HYDIN: variants seen among roughly 807,000 people sequenced by gnomAD.
HYDIN encodes the protein HYDIN axonemal central pair apparatus protein.
In HYDIN, 132 loss-of-function variants were observed where a neutral mutation model predicts 403.9. The observed-to-expected ratio is 0.33, with a 90% CI of 0.28 to 0.38. The LOEUF (loss-of-function observed/expected upper bound fraction) is 0.38. HYDIN is among the 10% of genes least tolerant of loss of function. HYDIN has a pLI of 1.00. For missense variants in HYDIN, 2,827 were observed against 5,009.5 expected (o/e 0.56, Z 13.15); for synonymous variants, 1,202 against 1,891.7 (o/e 0.64, Z 9.46).
At chr16:71,179,362 C>T (rs1215229795) in intron 3 of HYDIN, among the ~76,000 whole-genome samples, 1 of 149,922 alleles carries the variant, frequency 6.7e-6, no homozygotes, top group African/African-American at 2.4e-5. Context: ...CAAACCTCTG[C>T]AGGCATAGTA....
chr16:70,806,770 A>G lies in HYDIN; in HGVS notation c.*810T>C, dbSNP rs1033501301. Among the ~76,000 whole-genome samples, 7 of 152,160 alleles carry G rather than the reference A, an allele frequency of 4.6e-5. No homozygotes were observed. The highest frequency in any genetic ancestry group is 4.6e-4 in the Admixed American group (7 of 15,278). On this transcript the variant is annotated 3_prime_UTR_variant, in exon 86 of 86. Coordinates refer to ENST00000393567, the MANE Select transcript of HYDIN (RefSeq NM_001270974.2). ...GGGCCAGACTTTAACCATCTGCTAT[A>G]CAAGTTAAATGTATATAATAAAGAT...
At position 70,809,959 on chromosome 16, in the gene HYDIN, C is replaced by T. The variant is rs374038588; in HGVS notation, c.14707G>A (p.Gly4903Arg). The part of the protein sequence containing the change: ...FQPLKAGETF[G>R]RLTLHNTDLG... ...TCAGTGTTGTGCAAAGTTAGTCTTCCGAAGGTTTCTCCAGCTTTCAGGGGC... is the reference window on the plus strand; with the variant it reads ...TCAGTGTTGTGCAAAGTTAGTCTTCTGAAGGTTTCTCCAGCTTTCAGGGGC... Residue 4903 changes from glycine to arginine, a missense_variant, in exon 85 of 86, where the codon GGA (glycine) becomes AGA (arginine). Coordinates refer to ENST00000393567, the MANE Select transcript of HYDIN (RefSeq NM_001270974.2). 7.6e-5 allele frequency: 123 copies of T among 1,614,078 alleles called. 1 individual carries two copies. The highest frequency in any genetic ancestry group is 5.4e-4 in the South Asian group (49 of 91,074).
At chr16:71,054,062 G>A (rs528664205) in intron 18 of HYDIN, among the ~76,000 whole-genome samples, 4 of 152,242 alleles carry the variant, frequency 2.6e-5, no homozygotes, top group Admixed American at 1.3e-4. Context: ...TGAGGACACC[G>A]CAAACCTTAA....
intron 1 of HYDIN, among the ~76,000 whole-genome samples, chr16:71,216,100 C>T (rs780881905): frequency 2.0e-4 from 30 of 152,136 alleles, no homozygotes; most frequent in Non-Finnish European, 3.7e-4. Flanking sequence ...TGTTCTATGA[C>T]CCAGCAGTTT....
intron 77 of HYDIN, among the ~76,000 whole-genome samples, chr16:70,836,753 G>C (rs1025316601): frequency 6.6e-6 from 1 of 152,190 alleles, no homozygotes; most frequent in Non-Finnish European, 1.5e-5. Context: ...AAAGGCAAGA[G>C]AGTCTGTCCC....
Position 70,970,743 on chromosome 16 carries a change from G to A in HYDIN, c.5396C>T (p.Thr1799Ile). The A allele has an allele frequency of 1.3e-6, 2 of 1,572,358 alleles. No individual in the cohort carries two copies. The highest frequency in any genetic ancestry group is 1.7e-6 in the Non-Finnish European group (2 of 1,158,888). ...ACTCTGGGCAATCTGAAACACCAGG[G>A]TTTGGCTGTAGAATTTCTGGAAAAC... is the stretch of plus-strand genomic sequence containing the variant. ...MPKEEKFYSQ[T>I]LVFQIAQSAQ... The change falls in exon 36 of 86, where the codon ACC (threonine) becomes ATC (isoleucine). Residue 1799 changes from threonine to isoleucine, a missense_variant. Transcript: ENST00000393567.
At chr16:71,186,445 GT>G (rs1430863880) in intron 2 of HYDIN, among the ~76,000 whole-genome samples, 1 of 152,094 alleles carries the variant, frequency 6.6e-6, no homozygotes, top group Non-Finnish European at 1.5e-5. Context: ...ATATTTGACT[GT>G]TTTTGAACTA....
intron 43 of HYDIN, among the ~76,000 whole-genome samples, chr16:70,939,503 A>C (rs1452298980): frequency 6.6e-6 from 1 of 152,122 alleles, no homozygotes; most frequent in African/African-American, 2.4e-5. Flanking sequence ...TCATACTACT[A>C]TTACATTAAA....
At chr16:70,851,500 G>A (rs2038653091) in intron 73 of HYDIN, among the ~76,000 whole-genome samples, 2 of 148,194 alleles carry the variant, frequency 1.3e-5, no homozygotes, top group Non-Finnish European at 2.9e-5. Flanking sequence ...AATCATCAGA[G>A]AAATGCAAGT....
chr16:71,223,596 C>T (rs1330834495), intron 1 of HYDIN, among the ~76,000 whole-genome samples: 2 of 150,890 alleles, frequency 1.3e-5, no homozygotes, highest in African/African-American at 4.9e-5. Flanking sequence ...GACTAGCATC[C>T]GGAATCTACA....
chr16:71,038,280 G>A (rs1443542425), intron 18 of HYDIN, among the ~76,000 whole-genome samples: 7 of 152,210 alleles, frequency 4.6e-5, no homozygotes, highest in African/African-American at 1.2e-4. Context: ...TTGACAATAC[G>A]GCAGCAGCAC....
At chr16:70,976,364 T>C (rs559956138) in intron 30 of HYDIN, among the ~76,000 whole-genome samples, 7 of 152,216 alleles carry the variant, frequency 4.6e-5, no homozygotes, top group African/African-American at 1.7e-4. Flanking sequence ...TCTACCTTTG[T>C]GGATAGATTT....
At chr16:71,205,719 A>G (rs1278305939) in intron 1 of HYDIN, among the ~76,000 whole-genome samples, 4 of 152,160 alleles carry the variant, frequency 2.6e-5, no homozygotes, top group Admixed American at 2.6e-4. Context: ...GCTATGCAAC[A>G]CTTGCTGGAG....
intron 13 of HYDIN, 40 bp from the exon 14 acceptor site, chr16:71,069,542 C>G: frequency 6.6e-7 from 1 of 1,520,102 alleles, no homozygotes; most frequent in Non-Finnish European, 9.0e-7. Context: ...AAAGCCCCCC[C>G]AACACCTCCC....
At chr16:70,847,192 C>T (rs1266795201) in intron 75 of HYDIN, among the ~76,000 whole-genome samples, 1 of 152,014 alleles carries the variant, frequency 6.6e-6, no homozygotes, top group East Asian at 1.9e-4. Context: ...AAAACTTTTG[C>T]TCTTATATAG....
chr16:71,107,804 A>G (rs1169169004), intron 10 of HYDIN, among the ~76,000 whole-genome samples: 1 of 152,246 alleles, frequency 6.6e-6, no homozygotes. Flanking sequence ...CATTTGACCC[A>G]GCAATACCAT....
intron 8 of HYDIN, among the ~76,000 whole-genome samples, chr16:71,134,916 G>A (rs557468984): frequency 6.6e-6 from 1 of 152,184 alleles, no homozygotes; most frequent in East Asian, 1.9e-4. Flanking sequence ...TTTCCCTCTT[G>A]GCCAAGCTCC....
rs900892036 is a variant in HYDIN at position 70,805,529 on chromosome 16, G to A, written c.*2051C>T. Among the ~76,000 whole-genome samples the A allele has an allele frequency of 3.9e-5, 6 of 152,164 alleles. No individual in the cohort carries two copies. The highest frequency in any genetic ancestry group is 1.9e-4 in the East Asian group (1 of 5,196). On this transcript the variant is annotated 3_prime_UTR_variant, in exon 86 of 86. Transcript: ENST00000393567. The stretch of plus-strand genomic sequence containing the variant: ...AAGCCCCACCCAAATCTCCTAGATC[G>A]GACTTCCTGAGGGTGGGGCTCAGCA...
rs746471423 is a variant in HYDIN at position 70,943,903 on chromosome 16, C to G, written c.6578G>C (p.Ser2193Thr). The change falls in exon 42 of 86, where the codon AGT (serine) becomes ACT (threonine). Residue 2193 changes from serine to threonine, a missense_variant. Ser to Thr is a moderately conservative substitution (Grantham distance 58). Transcript: ENST00000393567. ...LPPGPIHRWL[S>T]VSPSVGGETG... Reference sequence around the variant, plus strand: ...CTCGCCTCCGACACTGGGACTAACACTGAGCCAGCGGTGGATGGGCCCCGG... The same window carrying G: ...CTCGCCTCCGACACTGGGACTAACAGTGAGCCAGCGGTGGATGGGCCCCGG... 6.2e-7 allele frequency: 1 copy of G among 1,613,618 alleles called. No homozygotes were observed. The highest frequency in any genetic ancestry group is 8.5e-7 in the Non-Finnish European group (1 of 1,179,936).
Sources: allele counts gnomAD v4.1 joint callset (sites outside exome capture counted in the v4.1 genomes callset), GRCh38; gene constraint gnomAD v4.1.1; transcripts MANE v1.5; gene names NCBI Gene and HGNC (gene_info 2026-07-23, HGNC 2026-07-21).